RARB: variants seen among roughly 807,000 people sequenced by gnomAD.
RARB encodes the protein HBV-activated protein.
A neutral mutation model predicts 51.9 loss-of-function variants in RARB; 17 were observed. That is an observed-to-expected ratio of 0.33 (90% confidence interval 0.22 to 0.49). The LOEUF (loss-of-function observed/expected upper bound fraction) is 0.49. RARB is among the 20% of genes least tolerant of loss of function. The pLI is 0.99. For missense variants in RARB, 369 were observed against 550.8 expected (o/e 0.67, Z 3.30); for synonymous variants, 215 against 195.4 (o/e 1.10, Z -0.84).
At chr3:25,168,262 G>A (rs141294871) in intron 4 of RARB, among the ~76,000 whole-genome samples, 2,450 of 151,492 alleles carry the variant, frequency 0.016, 58 homozygotes, top group African/African-American at 0.055. Context: ...GCTCTGTTGC[G>A]CAGGCTGGAA....
intron 5 of RARB, among the ~76,000 whole-genome samples, chr3:25,259,261 C>T (rs1349786020): frequency 2.0e-5 from 3 of 152,074 alleles, no homozygotes; most frequent in African/African-American, 7.2e-5. Flanking sequence ...TGTGAAGTGG[C>T]TGCTCAGACA....
chr3:25,086,220 T>G (rs1317952546), intron 3 of RARB, among the ~76,000 whole-genome samples: 1 of 152,140 alleles, frequency 6.6e-6, no homozygotes, highest in Non-Finnish European at 1.5e-5. Context: ...CATATGCCCA[T>G]CCCTCATCCA....
At chr3:25,594,449 T>C in intron 6 of RARB, 71 bp from the exon 7 acceptor site, 2 of 1,446,340 alleles carry the variant, frequency 1.4e-6, no homozygotes, top group Non-Finnish European at 1.9e-6. Flanking sequence ...ACAGTAGGAA[T>C]AAGGAAACAA....
chr3:25,543,829 T>C (rs557926595), intron 3 of RARB, among the ~76,000 whole-genome samples: 1 of 152,286 alleles, frequency 6.6e-6, no homozygotes, highest in African/African-American at 2.4e-5. Flanking sequence ...TGATCTTCAA[T>C]GAAGAGCAAG....
At chr3:25,173,086 G>C (rs1042160202) in intron 4 of RARB, among the ~76,000 whole-genome samples, 1 of 152,190 alleles carries the variant, frequency 6.6e-6, no homozygotes, top group African/African-American at 2.4e-5. Flanking sequence ...TCAGTGGGCA[G>C]AGTTTGGGAG....
intron 3 of RARB, among the ~76,000 whole-genome samples, chr3:25,086,849 T>G (rs1427930434): frequency 6.6e-6 from 1 of 152,146 alleles, no homozygotes; most frequent in Non-Finnish European, 1.5e-5. Context: ...GTTCTTATTA[T>G]GCAGATAAAG....
chr3:24,958,326 T>C (rs1231804413), intron 2 of RARB, among the ~76,000 whole-genome samples: 1 of 138,614 alleles, frequency 7.2e-6, no homozygotes, highest in Admixed American at 8.2e-5. Flanking sequence ...TTAGAACTAA[T>C]AGTTTACTCA....
intron 5 of RARB, among the ~76,000 whole-genome samples, chr3:25,203,031 G>A (rs953106247): frequency 6.6e-6 from 1 of 152,142 alleles, no homozygotes; most frequent in Non-Finnish European, 1.5e-5. Context: ...TGCTGACAGT[G>A]GGGTGTTAGT....
At chr3:25,152,620 T>C (rs1700305427) in intron 4 of RARB, among the ~76,000 whole-genome samples, 1 of 152,206 alleles carries the variant, frequency 6.6e-6, no homozygotes, top group East Asian at 1.9e-4. Context: ...TATAAAATTA[T>C]GTTTACGTAC....
chr3:25,108,544 A>T (rs945588661), intron 3 of RARB, among the ~76,000 whole-genome samples: 14 of 152,156 alleles, frequency 9.2e-5, no homozygotes, highest in Non-Finnish European at 2.1e-4. Flanking sequence ...CATCACTCGT[A>T]ATCCTATTGG....
intron 5 of RARB, among the ~76,000 whole-genome samples, chr3:25,265,205 G>T (rs954776758): frequency 2.6e-5 from 4 of 152,094 alleles, no homozygotes; most frequent in Non-Finnish European, 5.9e-5. Flanking sequence ...GGTTACAATA[G>T]AGGCCACTCA....
At chr3:25,409,740 T>C (rs994428412) in intron 5 of RARB, among the ~76,000 whole-genome samples, 5 of 152,212 alleles carry the variant, frequency 3.3e-5, no homozygotes, top group Admixed American at 3.3e-4. Flanking sequence ...CTTAGGTCCA[T>C]GTGCAAGCCA....
At chr3:25,419,075 C>T (rs954278234) in intron 5 of RARB, among the ~76,000 whole-genome samples, 1 of 151,320 alleles carries the variant, frequency 6.6e-6, no homozygotes, top group Admixed American at 6.6e-5. Context: ...GAAGAGTGAG[C>T]AGTCCTGCAG....
intron 5 of RARB, among the ~76,000 whole-genome samples, chr3:25,277,334 C>A (rs9880506): frequency 0.018 from 2,793 of 152,250 alleles, 68 homozygotes; most frequent in African/African-American, 0.057. Context: ...ACCCAAAAGT[C>A]ATCCTAATCC....
At chr3:24,879,383 C>A (rs925583715) in intron 2 of RARB, among the ~76,000 whole-genome samples, 1 of 150,822 alleles carries the variant, frequency 6.6e-6, no homozygotes, top group Non-Finnish European at 1.5e-5. Flanking sequence ...GAGGCGAGAT[C>A]GCATCACTGC....
In RARB at chr3:25,580,701, G is replaced by A. The variant is rs1701140157; in HGVS notation, c.765G>A (p.Lys255=). 6.2e-7 allele frequency: 1 copy of A among 1,606,484 alleles called. No individual in the cohort carries two copies. The highest frequency in any genetic ancestry group is 1.7e-5 in the Admixed American group (1 of 59,900). The change falls in exon 5 of 8, where the codon AAG becomes AAA. Residue 255 remains lysine (K), a synonymous_variant. Coordinates refer to ENST00000330688, the MANE Select transcript of RARB (RefSeq NM_000965.5). ...LTIADQITLL[K]AACLDILILR... is the part of the protein sequence containing the mutation. ...TCGCAGACCAAATTACCCTGCTGAA[G>A]GCCGCCTGCCTGGACATCCTGGTAT... is the stretch of plus-strand genomic sequence containing the variant.
intron 5 of RARB, among the ~76,000 whole-genome samples, chr3:25,310,849 A>G (rs2125433492): frequency 6.6e-6 from 1 of 152,308 alleles, no homozygotes; most frequent in Non-Finnish European, 1.5e-5. Flanking sequence ...ACTCTGAAGC[A>G]CTTAGGTTCT....
intron 1 of RARB, among the ~76,000 whole-genome samples, chr3:25,430,961 T>C (rs973958983): frequency 2.6e-5 from 4 of 151,858 alleles, no homozygotes; most frequent in Non-Finnish European, 4.4e-5. Flanking sequence ...CGATTTTTTT[T>C]TTTTTTTAGC....
intron 5 of RARB, among the ~76,000 whole-genome samples, chr3:25,369,018 T>C (rs2125470442): frequency 6.6e-6 from 1 of 152,334 alleles, no homozygotes; most frequent in South Asian, 2.1e-4. Flanking sequence ...GTATAGGATA[T>C]GTGAAATCCC....
Sources: allele counts gnomAD v4.1 joint callset (sites outside exome capture counted in the v4.1 genomes callset), GRCh38; gene constraint gnomAD v4.1.1; transcripts MANE v1.5; gene names NCBI Gene and HGNC (gene_info 2026-07-23, HGNC 2026-07-21).